FAM161A: variants seen among roughly 807,000 people sequenced by gnomAD.
The protein encoded by FAM161A is FAM161 centrosomal protein A, also known as protein FAM161A.
In FAM161A, 57 loss-of-function variants were observed where a neutral mutation model predicts 70.9. That is an observed-to-expected ratio of 0.80 (90% confidence interval 0.65 to 1.00). The LOEUF (loss-of-function observed/expected upper bound fraction) is 1.00, where lower values mean the gene tolerates loss of function less well. FAM161A is among the 50% of genes least tolerant of loss of function. The pLI, the probability that FAM161A is intolerant of heterozygous loss-of-function variation, is 0.00. For synonymous variants in FAM161A, 299 were observed against 295.7 expected, an observed-to-expected ratio of 1.01 and a Z score of -0.12; for missense variants, 880 against 836.0, an observed-to-expected ratio of 1.05 and a Z score of -0.65.
chr2:61,829,037 T>C (rs1572860721), intron 5 of FAM161A, among the ~76,000 whole-genome samples: 1 of 152,250 alleles, frequency 6.6e-6, no homozygotes, highest in East Asian at 1.9e-4. Flanking sequence ...AATGGCCCAG[T>C]TCCAATGTAC....
chr2:61,820,233 G>A (rs1017593871), downstream of FAM161A: 18 of 612,006 alleles, frequency 2.9e-5, no homozygotes, highest in Non-Finnish European at 5.0e-5. Flanking sequence ...CAGCCAAGCA[G>A]CTGTGGCAGC....
Position 61,840,310 on chromosome 2 carries a change from A to G in FAM161A, c.694T>C (p.Trp232Arg), listed in dbSNP as rs1223231768. ...AEKRRKKRKE[W>R]VPTITVPEPF... ...TCCGGTACTGTAATTGTGGGCACCC[A>G]TTCTTTTCGTTTCTTCCTTCTTTTT... The change falls in exon 3 of 7, where the codon TGG (tryptophan) becomes CGG (arginine). Residue 232 changes from tryptophan (W) to arginine (R), a missense_variant. Coordinates refer to ENST00000404929, the MANE Select transcript of FAM161A (RefSeq NM_001201543.2). 3.1e-6 allele frequency: 5 copies of G among 1,613,892 alleles called. No homozygotes were observed. The highest frequency in any genetic ancestry group is 1.7e-5 in the Admixed American group (1 of 59,948).
chr2:61,842,832 A>C (rs953598342), intron 1 of FAM161A, among the ~76,000 whole-genome samples: 6 of 152,158 alleles, frequency 3.9e-5, no homozygotes, highest in African/African-American at 1.4e-4. Flanking sequence ...GAGAGAAGGC[A>C]GGGAAATAGA....
intron 5 of FAM161A, among the ~76,000 whole-genome samples, chr2:61,830,447 G>A (rs1366791453): frequency 1.3e-5 from 2 of 151,932 alleles, no homozygotes; most frequent in Non-Finnish European, 2.9e-5. Flanking sequence ...TTGGGAGGCC[G>A]AGGCAGGTGG....
chr2:61,837,269 C>T (rs10865327), intron 4 of FAM161A, among the ~76,000 whole-genome samples: 143,044 of 152,222 alleles, frequency 0.94, 67,394 homozygotes, highest in East Asian at 1. Context: ...CATGGGAATA[C>T]AACATAAAGA....
At chr2:61,843,950 T>G (rs1170984502) in intron 1 of FAM161A, among the ~76,000 whole-genome samples, 1 of 152,044 alleles carries the variant, frequency 6.6e-6, no homozygotes, top group African/African-American at 2.4e-5. Flanking sequence ...GAGACAATCC[T>G]GGCTAACATG....
Position 61,839,508 on chromosome 2 carries a change from A to T in FAM161A, c.1496T>A (p.Val499Glu). ...CACAGGGTTTACACCTGCACATCTT[A>T]CTGGTGACTTACGCCTTGGAGACAA... ...PYLSPRRKSPVRCAGVNPVPC... is the reference protein window; with the variant it reads ...PYLSPRRKSPERCAGVNPVPC... Residue 499 changes from valine (V) to glutamate (E), a missense_variant, in exon 3 of 7, where the codon GTA becomes GAA. Physicochemically the swap from Val to Glu is moderately radical, Grantham distance 121. Transcript: ENST00000404929. 1 of 1,614,172 alleles carries T rather than the reference A, an allele frequency of 6.2e-7. No homozygotes were observed. The highest frequency in any genetic ancestry group is 8.5e-7 in the Non-Finnish European group (1 of 1,180,026).
chr2:61,845,073 T>C (rs780990613), intron 1 of FAM161A, among the ~76,000 whole-genome samples: 4 of 152,140 alleles, frequency 2.6e-5, no homozygotes, highest in African/African-American at 4.8e-5. Flanking sequence ...GGAGAGCAGA[T>C]ACAGGAGCCA....
At chr2:61,821,906 A>T (rs1466065336), downstream of FAM161A, among the ~76,000 whole-genome samples, 1 of 151,902 alleles carries the variant, frequency 6.6e-6, no homozygotes, top group Non-Finnish European at 1.5e-5. Flanking sequence ...GGTAGCTGGG[A>T]TTACAGATGC....
chr2:61,835,838 G>A (rs1672748456), intron 5 of FAM161A, 172 bp downstream of exon 5: 4 of 625,710 alleles, frequency 6.4e-6, no homozygotes, highest in East Asian at 2.8e-5. Flanking sequence ...CTAAATGCTC[G>A]GATTTAAGCA....
chr2:61,810,260 T>C, the FAM161A span, among the ~76,000 whole-genome samples: 1 of 152,018 alleles, frequency 6.6e-6, no homozygotes, highest in Non-Finnish European at 1.5e-5. Flanking sequence ...TAATAAGGGG[T>C]GCTCTAAGGA....
At chr2:61,852,729 T>A (rs1165327800) in intron 1 of FAM161A, among the ~76,000 whole-genome samples, 1 of 152,186 alleles carries the variant, frequency 6.6e-6, no homozygotes, top group Non-Finnish European at 1.5e-5. Flanking sequence ...AAGTTGTTTG[T>A]CTGTTGGTGA....
Position 61,840,010 on chromosome 2 carries a change from C to A in FAM161A, c.994G>T (p.Glu332Ter). 6.2e-7 allele frequency: 1 copy of A among 1,614,188 alleles called. No individual in the cohort carries two copies. Among genetic ancestry groups the A allele is most frequent in the East Asian group, 2.2e-5 (1 of 44,892 alleles). The change falls in exon 3 of 7, where the codon GAA (glutamate) becomes TAA (stop). Residue 332 changes from glutamate (E) to a stop codon, truncating the protein, a stop_gained. Coordinates refer to ENST00000404929, the MANE Select transcript of FAM161A (RefSeq NM_001201543.2). LOFTEE classifies it high-confidence loss of function. ...QKPFKFIARE[E>*]QKRAAREKQL... is the part of the protein sequence containing the mutation. ...TTTTCCCGGGCTGCTCGCTTCTGTT[C>A]CTCCCTTGCTATAAATTTAAATGGC... is the stretch of plus-strand genomic sequence containing the variant.
At chr2:61,838,034 A>T (rs1431671990) in intron 4 of FAM161A, among the ~76,000 whole-genome samples, 1 of 152,224 alleles carries the variant, frequency 6.6e-6, no homozygotes, top group Non-Finnish European at 1.5e-5. Flanking sequence ...TGTACTGCAA[A>T]ATTCTAGTGA....
intron 1 of FAM161A, among the ~76,000 whole-genome samples, chr2:61,850,925 A>T (rs1673476269): frequency 6.6e-6 from 1 of 152,062 alleles, no homozygotes; most frequent in South Asian, 2.1e-4. Flanking sequence ...TCCAGGCTGG[A>T]ATACAATGGC....
At chr2:61,832,242 C>CAAAAAAAAAAA (rs752145480) in intron 5 of FAM161A, among the ~76,000 whole-genome samples, 1 of 137,312 alleles carries the variant, frequency 7.3e-6, no homozygotes. Context: ...GACCCTGTCA[C>CAAAAAAAAAAA]ACACACACAA....
downstream of FAM161A, among the ~76,000 whole-genome samples, chr2:61,824,353 CTTTT>C (rs1160029046): frequency 6.6e-6 from 1 of 152,028 alleles, no homozygotes; most frequent in Non-Finnish European, 1.5e-5. Context: ...CTCTCTCCCT[CTTTT>C]TTTAACTTTG....
chr2:61,815,142 A>G, the FAM161A span, among the ~76,000 whole-genome samples: 1 of 152,208 alleles, frequency 6.6e-6, no homozygotes, highest in African/African-American at 2.4e-5. Flanking sequence ...ATAGACCTTA[A>G]GTCCACACAG....
At chr2:61,844,382 A>G (rs1248398827) in intron 1 of FAM161A, among the ~76,000 whole-genome samples, 2 of 151,920 alleles carry the variant, frequency 1.3e-5, no homozygotes, top group Non-Finnish European at 2.9e-5. Flanking sequence ...AGCTGCTAAA[A>G]TGTACGTCAG....
Sources: gnomAD v4.1 joint callset for allele counts (sites outside exome capture counted in the v4.1 genomes callset) on GRCh38, gnomAD v4.1.1 for gene constraint, MANE v1.5 for transcripts, NCBI Gene and HGNC (gene_info 2026-07-23, HGNC 2026-07-21) for gene names.